TNKS: variants seen among roughly 807,000 people sequenced by gnomAD.
The protein encoded by TNKS is poly [ADP-ribose] polymerase tankyrase-1.
A neutral mutation model predicts 135.8 loss-of-function variants in TNKS; 72 were observed. The observed-to-expected ratio is 0.53, with a 90% confidence interval of 0.44 to 0.64. TNKS has a LOEUF of 0.64. Among genes scored for constraint, TNKS ranks in the 30% least tolerant of loss-of-function variants. The pLI is 0.00. For missense variants in TNKS, 1,769 were observed against 1,674.0 expected (o/e 1.06, Z -0.99); for synonymous variants, 849 against 649.3 (o/e 1.31, Z -4.68).
At chr8:9,571,955 C>G (rs1322019445) in intron 1 of TNKS, among the ~76,000 whole-genome samples, 1 of 152,130 alleles carries the variant, frequency 6.6e-6, no homozygotes. Flanking sequence ...CATAATATCA[C>G]TTTATTAGGG....
intron 20 of TNKS, among the ~76,000 whole-genome samples, chr8:9,758,551 A>G (rs908130651): frequency 1.1e-4 from 16 of 152,188 alleles, no homozygotes; most frequent in African/African-American, 3.9e-4. Context: ...ACAAACATGT[A>G]TTATTCCACA....
intron 3 of TNKS, among the ~76,000 whole-genome samples, chr8:9,634,917 CCTGTAAT>C (rs1412495803): frequency 5.9e-5 from 9 of 152,150 alleles, no homozygotes; most frequent in African/African-American, 1.9e-4. Context: ...GTGGCTCACT[CCTGTAAT>C]CCCGGCACTT....
intron 26 of TNKS, among the ~76,000 whole-genome samples, chr8:9,773,329 C>T (rs1204749879): frequency 1.3e-5 from 2 of 152,046 alleles, no homozygotes; most frequent in Non-Finnish European, 2.9e-5. Context: ...TTAACATTTA[C>T]ATAATATATA....
intron 5 of TNKS, among the ~76,000 whole-genome samples, chr8:9,688,855 G>A (rs1007964399): frequency 6.6e-6 from 1 of 152,118 alleles, no homozygotes; most frequent in Non-Finnish European, 1.5e-5. Flanking sequence ...TGGTCAAGCT[G>A]GGCTGGAAGT....
chr8:9,723,069 C>A (rs1286929548), intron 12 of TNKS, among the ~76,000 whole-genome samples: 1 of 80,294 alleles, frequency 1.2e-5, no homozygotes, highest in African/African-American at 3.6e-5. Context: ...TTAGAACATG[C>A]AGAACTTTTT....
chr8:9,774,557 T>G (rs1272947739), intron 26 of TNKS, among the ~76,000 whole-genome samples: 2 of 152,102 alleles, frequency 1.3e-5, no homozygotes, highest in Non-Finnish European at 2.9e-5. Context: ...AAAATGACGG[T>G]TTTTGGTCCA....
chr8:9,641,778 AAG>A (rs1800741107), intron 3 of TNKS, among the ~76,000 whole-genome samples: 1 of 145,774 alleles, frequency 6.9e-6, no homozygotes, highest in Non-Finnish European at 1.5e-5. Flanking sequence ...CGTTTTGTAA[AAG>A]AATTTCTGGA....
At chr8:9,763,328 T>C (rs1008419058) in intron 22 of TNKS, 84 bp downstream of exon 22, 1 of 894,232 alleles carries the variant, frequency 1.1e-6, no homozygotes, top group Admixed American at 2.2e-5. Context: ...TCGTCTTACA[T>C]TGCCTTGCGG....
intron 25 of TNKS, among the ~76,000 whole-genome samples, chr8:9,768,089 A>T (rs960789985): frequency 1.3e-5 from 2 of 152,146 alleles, no homozygotes; most frequent in Non-Finnish European, 2.9e-5. Flanking sequence ...AACCTAAATA[A>T]GCAATAAAAG....
chr8:9,693,711 G>T (rs1803384907), intron 5 of TNKS, among the ~76,000 whole-genome samples: 1 of 152,190 alleles, frequency 6.6e-6, no homozygotes, highest in South Asian at 2.1e-4. Flanking sequence ...TAGAACACAT[G>T]AGTTCAGAGA....
chr8:9,691,784 T>G (rs1803285620), intron 5 of TNKS, among the ~76,000 whole-genome samples: 1 of 152,228 alleles, frequency 6.6e-6, no homozygotes, highest in Non-Finnish European at 1.5e-5. Context: ...TAAAATTTTT[T>G]GTATATGCTA....
intron 11 of TNKS, 46 bp downstream of exon 11, chr8:9,710,266 C>T (rs1393214220): frequency 6.4e-7 from 1 of 1,571,974 alleles, no homozygotes; most frequent in Non-Finnish European, 8.8e-7. Flanking sequence ...CACTGAGCAG[C>T]CAGCTGCTCT....
intron 15 of TNKS, among the ~76,000 whole-genome samples, 158 bp from the exon 16 acceptor site, chr8:9,734,707 T>C (rs1442257897): frequency 6.6e-6 from 1 of 152,210 alleles, no homozygotes; most frequent in Admixed American, 6.5e-5. Flanking sequence ...TGATCCATTA[T>C]ATTACTAAGT....
chr8:9,755,812 G>GTTAT (rs1167333602), intron 20 of TNKS, among the ~76,000 whole-genome samples: 1 of 152,172 alleles, frequency 6.6e-6, no homozygotes, highest in Non-Finnish European at 1.5e-5. Flanking sequence ...GTGGAATGTA[G>GTTAT]TTATTTTATT....
rs537177247 is a variant in TNKS, at chr8:9,658,391, C to T, written c.995-21560C>T. 227 of 1,314,830 alleles carry T rather than the reference C, an allele frequency of 1.7e-4. No individual in the cohort carries two copies. In the East Asian group the frequency reaches 4.8e-3, roughly 28 times the overall value. The allele number at this position is 1,314,830 out of a possible 1,614,324, so 81.4% of individuals were successfully genotyped here. The stretch of plus-strand genomic sequence containing the variant: ...GCGGCGGCAAAGACTGAGACAGCTC[C>T]GCTGCCCGCTGAACTCCATCCTCCC... On this transcript the variant is annotated intron_variant, in intron 3 of 26. Transcript: ENST00000310430.
chr8:9,644,458 A>G (rs1354346739), intron 3 of TNKS, among the ~76,000 whole-genome samples: 2 of 152,158 alleles, frequency 1.3e-5, no homozygotes, highest in Non-Finnish European at 1.5e-5. Context: ...GCTTGAACCT[A>G]TATTTTCACT....
rs199827222 is a variant in TNKS, at chr8:9,555,934, C to T, written c.-6C>T. On this transcript the variant is annotated 5_prime_UTR_variant, in exon 1 of 27. Coordinates refer to ENST00000310430, the MANE Select transcript of TNKS (RefSeq NM_003747.3). ...GCCGCAGTGACAGTGCTAGGGGAGTCCGAAGATGGCGGCGTCGCGTCGCTC... is the reference window on the plus strand; with the variant it reads ...GCCGCAGTGACAGTGCTAGGGGAGTTCGAAGATGGCGGCGTCGCGTCGCTC... The T allele has an allele frequency of 9.3e-6, 15 of 1,607,050 alleles. No homozygotes were observed. In the African/African-American group the frequency reaches 1.2e-4, roughly 13 times the overall value.
intron 3 of TNKS, among the ~76,000 whole-genome samples, chr8:9,625,398 T>C (rs1286768527): frequency 6.6e-6 from 1 of 152,060 alleles, no homozygotes; most frequent in Non-Finnish European, 1.5e-5. Flanking sequence ...TTGTTGATTT[T>C]TGTTTTTTAT....
chr8:9,664,139 A>G (rs1801872783), intron 3 of TNKS, among the ~76,000 whole-genome samples: 1 of 152,150 alleles, frequency 6.6e-6, no homozygotes. Context: ...TTATAAAGAA[A>G]AGAGGTTTAT....
Sources: gnomAD v4.1 joint callset for allele counts (sites outside exome capture counted in the v4.1 genomes callset) on GRCh38, gnomAD v4.1.1 for gene constraint, MANE v1.5 for transcripts, NCBI Gene and HGNC (gene_info 2026-07-23, HGNC 2026-07-21) for gene names.